The following LUC7L variants were observed in gnomAD, a reference collection of about 807,000 sequenced individuals.
LUC7L encodes the protein putative RNA-binding protein Luc7-like 1.
LUC7L carries 29 observed loss-of-function variants against 51.1 expected under a neutral mutation model. The ratio of observed to expected loss-of-function variants is 0.57; its 90% CI spans 0.42 to 0.77. The LOEUF (loss-of-function observed/expected upper bound fraction) is 0.77, where lower values mean the gene tolerates loss of function less well. Ranked by LOEUF, LUC7L falls within the 30% of genes least tolerant of loss-of-function variation. The pLI is 0.00. For missense variants in LUC7L, 403 were observed against 511.9 expected (o/e 0.79, Z 2.05); for synonymous variants, 181 against 180.7 (o/e 1.00, Z -0.01).
chr16:216,864 C>A (rs929052914), intron 3 of LUC7L, among the ~76,000 whole-genome samples: 7 of 151,872 alleles, frequency 4.6e-5, no homozygotes, highest in African/African-American at 1.7e-4. Flanking sequence ...CTGGCTAACT[C>A]TGGCATTTTT....
At chr16:191,753 G>A (rs1008351771) in intron 7 of LUC7L, among the ~76,000 whole-genome samples, 15 of 152,206 alleles carry the variant, frequency 9.9e-5, no homozygotes, top group African/African-American at 4.8e-5. Flanking sequence ...GCAGAGGCAG[G>A]AGACTCGCTT....
At chr16:209,414 TGGGA>T (rs1036808366) in intron 3 of LUC7L, 2 of 143,074 alleles carry the variant, frequency 1.4e-5, no homozygotes, top group Non-Finnish European at 3.0e-5. Flanking sequence ...CGCTTGAACC[TGGGA>T]GGAAGAGGTT....
chr16:208,612 A>T, intron 3 of LUC7L: 1 of 996,322 alleles, frequency 1.0e-6, no homozygotes, highest in Non-Finnish European at 1.2e-6. Flanking sequence ...GGTCTTTGTG[A>T]GCCACGTAAA....
At chr16:227,975 C>A in intron 1 of LUC7L, 2 of 1,050,624 alleles carry the variant, frequency 1.9e-6, no homozygotes, top group Non-Finnish European at 2.3e-6. Context: ...TGAGCTCCAA[C>A]ACATACTGTA....
chr16:206,890 TAAAAAAAAAA>T (rs67775388), intron 4 of LUC7L, among the ~76,000 whole-genome samples: 4 of 99,566 alleles, frequency 4.0e-5, no homozygotes, highest in African/African-American at 3.8e-5. Flanking sequence ...CCATCTTTAT[TAAAAAAAAAA>T]AAAAAAAAAA....
At chr16:189,831 C>G in intron 9 of LUC7L, 137 bp downstream of exon 9, 2 of 1,450,868 alleles carry the variant, frequency 1.4e-6, no homozygotes, top group South Asian at 2.8e-5. Flanking sequence ...CACCTGAGTC[C>G]CGTTCACGAC....
chr16:203,485 T>C (rs117753341), intron 5 of LUC7L, among the ~76,000 whole-genome samples: 3,222 of 152,096 alleles, frequency 0.021, 43 homozygotes, highest in Middle Eastern at 0.048. Flanking sequence ...GCTAGGCAGA[T>C]CGCTTGAGCC....
At chr16:228,199 T>G in intron 1 of LUC7L, 1 of 1,274,508 alleles carries the variant, frequency 7.8e-7, no homozygotes. Flanking sequence ...ATTTTAGGAT[T>G]TGCAAGCATC....
intron 3 of LUC7L, among the ~76,000 whole-genome samples, chr16:214,993 C>A (rs1042787707): frequency 6.6e-6 from 1 of 152,102 alleles, no homozygotes; most frequent in Non-Finnish European, 1.5e-5. Flanking sequence ...TAGCTTGAGG[C>A]CAGGAGTTGG....
At chr16:200,654 A>G (rs560656785) in intron 5 of LUC7L, among the ~76,000 whole-genome samples, 1 of 152,258 alleles carries the variant, frequency 6.6e-6, no homozygotes, top group South Asian at 2.1e-4. Flanking sequence ...GAGTGAAGCA[A>G]GAAGATCACT....
chr16:206,207 A>C, intron 4 of LUC7L, 60 bp from the exon 5 acceptor site: 1 of 1,535,222 alleles, frequency 6.5e-7, no homozygotes. Flanking sequence ...TGCAAAGGCA[A>C]CAAGGGTTTC....
chr16:199,944 C>T lies in LUC7L; in HGVS notation c.511-706G>A, dbSNP rs573896666. On this transcript the variant is annotated intron_variant, in intron 5 of 9. Coordinates refer to ENST00000293872, the MANE Select transcript of LUC7L (RefSeq NM_201412.3). ...AGCGGAGGTTGCAGTGAGCCAAAAC[C>T]GTGCCACTGCATTCCAGCCTGGCAA... 2.0e-4 allele frequency among the ~76,000 whole-genome samples: 30 copies of T among 151,278 alleles called. No individual in the cohort carries two copies. The South Asian group carries it at 6.1e-3, about 31-fold the overall frequency.
At chr16:189,468 G>C in intron 9 of LUC7L, 129 bp from the exon 10 acceptor site, 1 of 1,427,768 alleles carries the variant, frequency 7.0e-7, no homozygotes, top group Middle Eastern at 2.6e-4. Context: ...GAAACCCCCC[G>C]GAGGCCAACC....
At chr16:213,462 A>T (rs987298852) in intron 3 of LUC7L, among the ~76,000 whole-genome samples, 1 of 152,042 alleles carries the variant, frequency 6.6e-6, no homozygotes, top group Non-Finnish European at 1.5e-5. Flanking sequence ...TGTAGAGGCA[A>T]CATCTGAGCT....
chr16:202,026 G>A (rs887859601), intron 5 of LUC7L, among the ~76,000 whole-genome samples: 1 of 152,024 alleles, frequency 6.6e-6, no homozygotes, highest in Non-Finnish European at 1.5e-5. Context: ...TTACAGGCAT[G>A]AGCAACCGTG....
At chr16:227,626 C>G in intron 1 of LUC7L, 1 of 1,213,174 alleles carries the variant, frequency 8.2e-7, no homozygotes, top group Non-Finnish European at 1.0e-6. Context: ...GCCATTGGCT[C>G]CACATATACA....
intron 1 of LUC7L, chr16:228,665 A>G: frequency 8.4e-7 from 1 of 1,183,440 alleles, no homozygotes; most frequent in Non-Finnish European, 1.1e-6. Context: ...GACAACCATC[A>G]TGATCTTGAG....
intron 6 of LUC7L, 131 bp downstream of exon 6, chr16:198,931 C>T (rs571782264): frequency 1.3e-6 from 1 of 789,660 alleles, no homozygotes; most frequent in Non-Finnish European, 1.9e-6. Flanking sequence ...TCGCCCACCT[C>T]GGCCTCCCAA....
At chr16:196,455 C>T (rs1457359681) in intron 6 of LUC7L, among the ~76,000 whole-genome samples, 1 of 151,976 alleles carries the variant, frequency 6.6e-6, no homozygotes, top group East Asian at 1.9e-4. Context: ...TACAGTAGGA[C>T]AAAATTCTGA....
Sources: allele counts gnomAD v4.1 joint callset (sites outside exome capture counted in the v4.1 genomes callset), GRCh38; gene constraint gnomAD v4.1.1; transcripts MANE v1.5; gene names NCBI Gene and HGNC (gene_info 2026-07-23, HGNC 2026-07-21).